The following SFI1 variants were observed in gnomAD, a reference collection of about 807,000 sequenced individuals.
SFI1 encodes the protein protein SFI1 homolog.
Under a neutral mutation model 207.5 loss-of-function variants are expected in SFI1, and 195 were observed. The observed-to-expected ratio is 0.94, with a 90% CI of 0.84 to 1.06. The LOEUF is 1.06. Ranked by LOEUF, SFI1 falls within the 50% of genes least tolerant of loss-of-function variation. The pLI is 0.00. For synonymous variants in SFI1, 630 were observed against 598.9 expected, an observed-to-expected ratio of 1.05 and a Z score of -0.76; for missense variants, 1,634 against 1,588.0, an observed-to-expected ratio of 1.03 and a Z score of -0.49.
chr22:31,604,050 C>T (rs1454183119), intron 18 of SFI1, among the ~76,000 whole-genome samples: 2 of 152,182 alleles, frequency 1.3e-5, no homozygotes, highest in Non-Finnish European at 2.9e-5. Flanking sequence ...TCTAAAATTC[C>T]TGATCTAACC....
chr22:31,617,279 A>G (rs2295251), intron 31 of SFI1, among the ~76,000 whole-genome samples: 55,058 of 151,784 alleles, frequency 0.36, 11,751 homozygotes, highest in African/African-American at 0.59. Context: ...TACCCGGCTC[A>G]GTGCTGCTTA....
chr22:31,498,859 T>C (rs1262821286), intron 1 of SFI1, among the ~76,000 whole-genome samples: 33 of 115,788 alleles, frequency 2.9e-4, no homozygotes, highest in Middle Eastern at 9.4e-3. Flanking sequence ...CTTCTTTTTT[T>C]CTTTTTTTTT....
chr22:31,547,295 G>A (rs1241187220), intron 5 of SFI1, among the ~76,000 whole-genome samples: 2 of 151,944 alleles, frequency 1.3e-5, no homozygotes, highest in East Asian at 1.9e-4. Flanking sequence ...AGTATTCTGG[G>A]TTTTTTGTTT....
intron 4 of SFI1, among the ~76,000 whole-genome samples, chr22:31,536,406 T>TTTTATTTA (rs538659617): frequency 6.6e-6 from 1 of 152,142 alleles, no homozygotes; most frequent in Non-Finnish European, 1.5e-5. Context: ...CTAAAATCCG[T>TTTTATTTA]TTTATTTATT....
intron 7 of SFI1, among the ~76,000 whole-genome samples, chr22:31,560,663 A>C (rs2061602807): frequency 6.7e-6 from 1 of 148,234 alleles, no homozygotes; most frequent in South Asian, 2.1e-4. Flanking sequence ...TCAGCCTCCC[A>C]AAGTGCTAGG....
At chr22:31,508,753 G>A (rs905361815) in intron 2 of SFI1, among the ~76,000 whole-genome samples, 1 of 151,930 alleles carries the variant, frequency 6.6e-6, no homozygotes, top group South Asian at 2.1e-4. Flanking sequence ...TGAAGCTCTC[G>A]GCACCTTATA....
intron 2 of SFI1, among the ~76,000 whole-genome samples, chr22:31,511,464 G>GTTTTTTTTTT (rs758898165): frequency 1.6e-3 from 185 of 114,504 alleles, no homozygotes; most frequent in Non-Finnish European, 2.3e-3. Context: ...CATAGTTTCT[G>GTTTTTTTTTT]TTTTTTTTTT....
intron 11 of SFI1, among the ~76,000 whole-genome samples, chr22:31,578,867 C>T (rs1387725268): frequency 6.6e-6 from 1 of 152,158 alleles, no homozygotes; most frequent in Non-Finnish European, 1.5e-5. Context: ...GCCTCTGGGG[C>T]TCCACAAAGC....
intron 2 of SFI1, among the ~76,000 whole-genome samples, chr22:31,527,151 C>T (rs1327333282): frequency 2.6e-5 from 4 of 152,296 alleles, no homozygotes; most frequent in East Asian, 3.9e-4. Context: ...CCCGCCTCGG[C>T]CTCTCAAAGT....
intron 2 of SFI1, among the ~76,000 whole-genome samples, chr22:31,523,797 G>C (rs995943696): frequency 6.6e-6 from 1 of 152,088 alleles, no homozygotes; most frequent in Non-Finnish European, 1.5e-5. Flanking sequence ...CAAATCTGTG[G>C]AATCAGGGTG....
Position 31,528,836 on chromosome 22 carries a change from A to G in SFI1, c.239A>G (p.Gln80Arg), listed in dbSNP as rs1188794020. Residue 80 changes from glutamine to arginine, a missense_variant, in exon 3 of 33, where the codon CAG becomes CGG. Physicochemically the swap from Gln to Arg is conservative, Grantham distance 43 (BLOSUM62 1). Coordinates refer to ENST00000400288, the MANE Select transcript of SFI1 (RefSeq NM_001007467.3). ...QYRGTHTCTR[Q>R]GRLRELRIRC... ...CGTGGCACACATACTTGTACCCGAC[A>G]GGGCCGGTTAAGAGAACTGCGCATC... is the stretch of plus-strand genomic sequence containing the variant. 1.9e-6 allele frequency: 3 copies of G among 1,613,912 alleles called. No homozygotes were observed. The highest frequency in any genetic ancestry group is 1.7e-6 in the Non-Finnish European group (2 of 1,179,896).
In SFI1 at chr22:31,580,329, A is replaced by G; in HGVS notation, c.1213A>G (p.Arg405Gly). 1 of 1,613,984 alleles carries G rather than the reference A, an allele frequency of 6.2e-7. No individual in the cohort carries two copies. Among genetic ancestry groups the G allele is most frequent in the South Asian group, 1.1e-5 (1 of 91,074 alleles). Residue 405 changes from arginine (R) to glycine (G), a missense_variant, in exon 12 of 33, where the codon AGA becomes GGA. Coordinates refer to ENST00000400288, the MANE Select transcript of SFI1 (RefSeq NM_001007467.3). ...GACCCACGCTCATCTCCAGCAAATA[A>G]GAAGGAATCTTGCTCACCAGCAGCA... ...NVTHAHLQQI[R>G]RNLAHQQHGV... is the part of the protein sequence containing the mutation.
Position 31,577,425 on chromosome 22 carries a change from G to A in SFI1, c.1085-957G>A, listed in dbSNP as rs146462462. 2.6e-4 allele frequency among the ~76,000 whole-genome samples: 40 copies of A among 152,228 alleles called. No homozygotes were observed. The East Asian group carries it at 7.3e-3, about 28-fold the overall frequency. ...TTTAACTTTTAAAAATTTAGAGACA[G>A]GGTCACATGTTGCCCAGGCTGGAGT... is the stretch of plus-strand genomic sequence containing the variant. On this transcript the variant is annotated intron_variant, in intron 10 of 32. Transcript: ENST00000400288.
At chr22:31,613,953 C>A in intron 27 of SFI1, 98 bp downstream of exon 27, 1 of 1,413,798 alleles carries the variant, frequency 7.1e-7, no homozygotes. Flanking sequence ...ATGGGACGGG[C>A]TGGTCACGGC....
At chr22:31,579,580 G>A (rs2063870851) in intron 11 of SFI1, among the ~76,000 whole-genome samples, 1 of 152,210 alleles carries the variant, frequency 6.6e-6, no homozygotes, top group African/African-American at 2.4e-5. Context: ...CTCCCAAAGT[G>A]CTGGGATTAC....
At chr22:31,562,463 A>G (rs373208113) in intron 8 of SFI1, among the ~76,000 whole-genome samples, 1 of 149,774 alleles carries the variant, frequency 6.7e-6, no homozygotes, top group Non-Finnish European at 1.5e-5. Flanking sequence ...AAAGAAGTAG[A>G]TTTTATTGTG....
chr22:31,602,249 CAGA>C lies in SFI1; in HGVS notation c.1586_1588del (p.Lys529del), dbSNP rs1282894624. On this transcript the variant is annotated inframe_deletion, in exon 16 of 33. Transcript: ENST00000400288. ...GAAGCAAGTATTTTCTCTCTGGAGG[CAGA>C]AGATGTTTCAGCATCGAGAAAACCG... 8 of 1,613,998 alleles carry C rather than the reference CAGA, an allele frequency of 5.0e-6. No homozygotes were observed. Among genetic ancestry groups the C allele is most frequent in the Non-Finnish European group, 6.8e-6 (8 of 1,180,014 alleles).
At chr22:31,577,522 C>T (rs781623745) in intron 10 of SFI1, among the ~76,000 whole-genome samples, 19 of 152,180 alleles carry the variant, frequency 1.2e-4, no homozygotes, top group Non-Finnish European at 2.2e-4. Context: ...ATCCTCCCCC[C>T]TCAGCCTACG....
intron 2 of SFI1, 32 bp downstream of exon 2, chr22:31,508,408 C>G (rs560283992): frequency 8.5e-6 from 12 of 1,413,370 alleles, no homozygotes; most frequent in Non-Finnish European, 1.2e-5. Flanking sequence ...AAAAATATAA[C>G]TGGAATGATG....
Sources: allele counts gnomAD v4.1 joint callset (sites outside exome capture counted in the v4.1 genomes callset), GRCh38; gene constraint gnomAD v4.1.1; transcripts MANE v1.5; gene names NCBI Gene and HGNC (gene_info 2026-07-23, HGNC 2026-07-21).